KIF6: variants seen among roughly 807,000 people sequenced by gnomAD.
The protein encoded by KIF6 is kinesin family member 6, also known as kinesin-like protein KIF6.
A neutral mutation model predicts 112.7 loss-of-function variants in KIF6; 106 were observed. The ratio of observed to expected loss-of-function variants is 0.94; its 90% CI spans 0.80 to 1.11. The LOEUF is 1.11. Ranked by LOEUF, KIF6 falls within the 50% of genes least tolerant of loss-of-function variation. The pLI is 0.00. For missense variants in KIF6, 929 were observed against 964.0 expected (o/e 0.96, Z 0.48); for synonymous variants, 339 against 339.9 (o/e 1.00, Z 0.03).
At chr6:39,467,172 T>C (rs1325079100) in intron 13 of KIF6, among the ~76,000 whole-genome samples, 1 of 152,258 alleles carries the variant, frequency 6.6e-6, no homozygotes, top group Non-Finnish European at 1.5e-5. Context: ...TGGTAGCCAA[T>C]GAAAAGGACA....
At chr6:39,704,711 C>T (rs1486544203) in intron 3 of KIF6, among the ~76,000 whole-genome samples, 9 of 152,152 alleles carry the variant, frequency 5.9e-5, no homozygotes, top group Admixed American at 5.9e-4. Flanking sequence ...ATCTGAACTG[C>T]ACTTATATGG....
chr6:39,578,333 T>C (rs1324436749), intron 9 of KIF6, among the ~76,000 whole-genome samples, 174 bp from the exon 10 acceptor site: 3 of 149,124 alleles, frequency 2.0e-5, no homozygotes, highest in Non-Finnish European at 4.5e-5. Flanking sequence ...TTCTAGATTT[T>C]TTTTTTTTTT....
intron 13 of KIF6, among the ~76,000 whole-genome samples, chr6:39,530,923 G>T (rs964310044): frequency 6.6e-6 from 1 of 152,088 alleles, no homozygotes; most frequent in Non-Finnish European, 1.5e-5. Flanking sequence ...AGCCTGATCA[G>T]CTCCTAGAAT....
chr6:39,448,267 T>C (rs1489083715), intron 13 of KIF6, among the ~76,000 whole-genome samples: 1 of 152,132 alleles, frequency 6.6e-6, no homozygotes, highest in Non-Finnish European at 1.5e-5. Context: ...CTCCTTCTCC[T>C]GGGTTCAAGT....
At chr6:39,714,629 T>C in intron 3 of KIF6, 63 bp downstream of exon 3, 1 of 1,085,788 alleles carries the variant, frequency 9.2e-7, no homozygotes, top group Non-Finnish European at 1.4e-6. Flanking sequence ...ACCACAGTTA[T>C]CTGAGAATTG....
At chr6:39,582,935 A>T (rs1187131029) in intron 9 of KIF6, among the ~76,000 whole-genome samples, 1 of 152,228 alleles carries the variant, frequency 6.6e-6, no homozygotes, top group African/African-American at 2.4e-5. Context: ...AAAAGAGACC[A>T]GGAAACAACA....
At chr6:39,349,003 A>T (rs960605754) in intron 19 of KIF6, among the ~76,000 whole-genome samples, 1 of 152,298 alleles carries the variant, frequency 6.6e-6, no homozygotes, top group African/African-American at 2.4e-5. Context: ...GGGAATCCCA[A>T]AGTGGGGAGC....
chr6:39,555,722 G>A (rs7751706), intron 10 of KIF6, among the ~76,000 whole-genome samples: 36,888 of 151,936 alleles, frequency 0.24, 5,424 homozygotes, highest in African/African-American at 0.39. Context: ...GGAGGCTGAG[G>A]CAGGTGGATC....
intron 14 of KIF6, among the ~76,000 whole-genome samples, chr6:39,422,255 A>G (rs1770426105): frequency 1.3e-5 from 2 of 152,156 alleles, no homozygotes; most frequent in Non-Finnish European, 2.9e-5. Context: ...AATCCCTGAC[A>G]AGCCTGGGAT....
At chr6:39,455,388 A>T (rs1773004829) in intron 13 of KIF6, among the ~76,000 whole-genome samples, 1 of 151,660 alleles carries the variant, frequency 6.6e-6, no homozygotes, top group African/African-American at 2.4e-5. Flanking sequence ...ATCATCAAAG[A>T]CCAAAAGTAG....
rs751197410 is a variant in KIF6, at chr6:39,360,544, G to T, written c.1947-14C>A. On this transcript the variant is annotated splice_polypyrimidine_tract_variant and intron_variant, in intron 17 of 22. Transcript: ENST00000287152. ...ATTGTTTTATACCTGCGGTGGAATCGGGGAAGAGTCAGGGCACTGCTGTCT... is the reference window on the plus strand; with the variant it reads ...ATTGTTTTATACCTGCGGTGGAATCTGGGAAGAGTCAGGGCACTGCTGTCT... 1 of 1,614,082 alleles carries T rather than the reference G, an allele frequency of 6.2e-7. No individual in the cohort carries two copies. Among genetic ancestry groups the T allele is most frequent in the East Asian group, 2.2e-5 (1 of 44,880 alleles).
intron 8 of KIF6, among the ~76,000 whole-genome samples, chr6:39,585,501 A>G (rs1365298214): frequency 6.6e-6 from 1 of 152,168 alleles, no homozygotes; most frequent in African/African-American, 2.4e-5. Flanking sequence ...TTATTTTTTA[A>G]CCAAATTTTA....
chr6:39,486,979 C>T (rs926101552), intron 13 of KIF6, among the ~76,000 whole-genome samples: 4 of 152,052 alleles, frequency 2.6e-5, no homozygotes, highest in Non-Finnish European at 5.9e-5. Context: ...AATTATAATG[C>T]TATAAACAAA....
In KIF6 at chr6:39,717,979, C is replaced by T. The variant is rs991937381; in HGVS notation, c.176+2723G>A. 2.0e-5 allele frequency among the ~76,000 whole-genome samples: 3 copies of T among 152,082 alleles called. No individual in the cohort carries two copies. The South Asian group carries it at 6.2e-4, about 32-fold the overall frequency. On this transcript the variant is annotated intron_variant, in intron 2 of 22. Coordinates refer to ENST00000287152, the MANE Select transcript of KIF6 (RefSeq NM_145027.6). ...CAGTGGTTCACACCTGTAATCCTAG[C>T]ACTTTGGGAGGCCGAGGCGGGCAGA... is the stretch of plus-strand genomic sequence containing the variant.
chr6:39,707,121 G>A (rs302591), intron 3 of KIF6, among the ~76,000 whole-genome samples: 129,270 of 152,208 alleles, frequency 0.85, 55,534 homozygotes, highest in East Asian at 0.97. Context: ...GTTCTATGCC[G>A]TTTTCTCACA....
chr6:39,681,438 C>T (rs1787503277), intron 3 of KIF6, among the ~76,000 whole-genome samples: 1 of 152,110 alleles, frequency 6.6e-6, no homozygotes, highest in Admixed American at 6.5e-5. Context: ...TTTTATGCTA[C>T]AAAAAGTAGG....
chr6:39,424,002 A>G (rs1770579190), intron 14 of KIF6, among the ~76,000 whole-genome samples: 1 of 152,130 alleles, frequency 6.6e-6, no homozygotes, highest in African/African-American at 2.4e-5. Context: ...AAACTCCTCA[A>G]GTGCTCCCCA....
intron 3 of KIF6, among the ~76,000 whole-genome samples, chr6:39,658,957 T>C (rs1360042498): frequency 6.6e-6 from 1 of 152,208 alleles, no homozygotes; most frequent in African/African-American, 2.4e-5. Flanking sequence ...TGCTTTCAGG[T>C]AGGCCCACCC....
intron 15 of KIF6, among the ~76,000 whole-genome samples, chr6:39,418,911 G>A (rs768628695): frequency 4.6e-5 from 7 of 152,172 alleles, no homozygotes; most frequent in South Asian, 2.1e-4. Flanking sequence ...GAGACCCAGC[G>A]GGCCAGCTGT....
Sources: allele counts gnomAD v4.1 joint callset (sites outside exome capture counted in the v4.1 genomes callset), GRCh38; gene constraint gnomAD v4.1.1; transcripts MANE v1.5; gene names NCBI Gene and HGNC (gene_info 2026-07-23, HGNC 2026-07-21).